SMARCA4: variants seen among roughly 807,000 people sequenced by gnomAD.
The protein encoded by SMARCA4 is SWI/SNF related BAF chromatin remodeling complex subunit ATPase 4, also known as SWI/SNF-related matrix-associated actin-dependent regulator of chromatin subfamily A member 4.
SMARCA4 carries 31 observed loss-of-function variants against 193.9 expected under a neutral mutation model. That is an observed-to-expected ratio of 0.16 (90% CI 0.12 to 0.22). The LOEUF is 0.22. SMARCA4 is among the 10% of genes least tolerant of loss of function. The pLI is 1.00. For missense variants in SMARCA4, 1,148 were observed against 2,296.0 expected (o/e 0.50, Z 10.22); for synonymous variants, 942 against 933.1 (o/e 1.01, Z -0.17).
intron 30 of SMARCA4, among the ~76,000 whole-genome samples, chr19:11,044,884 A>G (rs537114449): frequency 2.8e-4 from 43 of 152,346 alleles, no homozygotes; most frequent in African/African-American, 9.6e-4. Context: ...TCCCAAAACA[A>G]GAATCAGCCC....
At position 11,041,262 on chromosome 19, in the gene SMARCA4, G is replaced by C. The variant is rs947095831; in HGVS notation, c.4171-45G>C. The C allele has an allele frequency of 1.9e-6, 3 of 1,570,600 alleles. No homozygotes were observed. Among genetic ancestry groups the C allele is most frequent in the South Asian group, 1.1e-5 (1 of 88,844 alleles). ...GATTGCGTCGCGGCCTCTGCTTGTC[G>C]ACCTGGGTGCTGGCTGTCCTATTTT... On this transcript the variant is annotated intron_variant, in intron 29 of 34. Transcript: ENST00000344626. The surrounding 1 kb of genome is among the most constrained non-coding windows in gnomAD (Gnocchi z 5.6).
At chr19:10,997,724 C>T (rs982652016) in intron 11 of SMARCA4, among the ~76,000 whole-genome samples, 1 of 152,120 alleles carries the variant, frequency 6.6e-6, no homozygotes, top group Non-Finnish European at 1.5e-5. Flanking sequence ...GCCTCAGCCT[C>T]CCAAAGTGTT....
rs758712183 is a variant in SMARCA4, at chr19:11,058,218, G to A, written c.4425-37G>A. On this transcript the variant is annotated intron_variant, in intron 30 of 34. Coordinates refer to ENST00000344626, the MANE Select transcript of SMARCA4 (RefSeq NM_003072.5). The surrounding 1 kb of genome is among the most constrained non-coding windows in gnomAD (Gnocchi z 5.8). ...GTGGGGTGGGGGCTCCCGGGTGGGC[G>A]GACTCGGGGGTGATAGCCGCCGGTT... is the stretch of plus-strand genomic sequence containing the variant. The A allele has an allele frequency of 7.6e-6, 11 of 1,441,302 alleles. No homozygotes were observed. Among genetic ancestry groups the A allele is most frequent in the South Asian group, 2.3e-5 (2 of 87,900 alleles). The allele number at this position is 1,441,302 out of a possible 1,614,324, so 89.3% of individuals were successfully genotyped here. A position where few individuals can be genotyped will look rare whatever the true frequency, so the allele number is the denominator to read the frequency against.
rs997396446 is a variant in SMARCA4 at position 11,041,166 on chromosome 19, G to T, written c.4171-141G>T. On this transcript the variant is annotated intron_variant, in intron 29 of 34. Coordinates refer to ENST00000344626, the MANE Select transcript of SMARCA4 (RefSeq NM_003072.5). The surrounding 1 kb of genome is among the most constrained non-coding windows in gnomAD (Gnocchi z 5.6). ...CCTTGAGAGTCCCAGTGTGTGTTAT[G>T]CCCCGAGCCAGTCAAGCTGAAGGGA... 30 of 854,742 alleles carry T rather than the reference G, an allele frequency of 3.5e-5. No individual in the cohort carries two copies. Among genetic ancestry groups the T allele is most frequent in the Non-Finnish European group, 5.3e-5 (29 of 543,664 alleles). 52.9% of individuals were successfully genotyped at this position (854,742 alleles called of 1,614,324 possible). A position where few individuals can be genotyped will look rare whatever the true frequency, so the allele number is the denominator to read the frequency against.
intron 15 of SMARCA4, chr19:11,012,449 C>T (rs939472047): frequency 5.4e-6 from 1 of 186,752 alleles, no homozygotes; most frequent in Admixed American, 5.3e-5. Flanking sequence ...TCCTTCATAA[C>T]GTTATCTTCA....
chr19:11,048,438 A>G (rs1157221321), intron 30 of SMARCA4, among the ~76,000 whole-genome samples: 1 of 152,226 alleles, frequency 6.6e-6, no homozygotes, highest in African/African-American at 2.4e-5. Flanking sequence ...AGAACCCTCT[A>G]AGTAGTTCAG....
intron 16 of SMARCA4, 83 bp from the exon 17 acceptor site, chr19:11,018,874 C>T: frequency 4.3e-6 from 5 of 1,174,362 alleles, no homozygotes; most frequent in Non-Finnish European, 6.4e-6. Flanking sequence ...TGGCCTCGCC[C>T]CTGACAGCCA....
Position 10,984,464 on chromosome 19 carries a change from G to A in SMARCA4, c.222+91G>A, listed in dbSNP as rs1328845236. 6 of 1,547,050 alleles carry A rather than the reference G, an allele frequency of 3.9e-6. No homozygotes were observed. The Admixed American group carries it at 9.8e-5, about 25-fold the overall frequency. ...GACCGAGGGCCTTACTTGGAGGATG[G>A]GGGGAAGCCTTCTTGTTGGAGGTGT... On this transcript the variant is annotated intron_variant, in intron 2 of 34. Transcript: ENST00000344626. The surrounding 1 kb of genome is among the most constrained non-coding windows in gnomAD (Gnocchi z 4.3).
At chr19:11,002,970 G>T in intron 11 of SMARCA4, 59 bp from the exon 12 acceptor site, 1 of 1,607,194 alleles carries the variant, frequency 6.2e-7, no homozygotes, top group Non-Finnish European at 8.5e-7. Context: ...CTTGGCCTCT[G>T]TAAGTGTTTG....
chr19:11,017,663 G>C (rs376049127), intron 16 of SMARCA4, among the ~76,000 whole-genome samples: 1 of 152,204 alleles, frequency 6.6e-6, no homozygotes, highest in African/African-American at 2.4e-5. Flanking sequence ...CAGATGCTCC[G>C]CACACCTCCG....
chr19:11,015,704 G>T (rs1251502456), intron 16 of SMARCA4, among the ~76,000 whole-genome samples: 1 of 152,120 alleles, frequency 6.6e-6, no homozygotes, highest in African/African-American at 2.4e-5. Flanking sequence ...CCTGAGACTA[G>T]GTGATAAAGA....
rs568328922 is a variant in SMARCA4, at chr19:11,030,075, C to T, written c.3383-655C>T. Among the ~76,000 whole-genome samples the T allele has an allele frequency of 6.6e-6, 1 of 152,298 alleles. No individual in the cohort carries two copies. Among genetic ancestry groups the T allele is most frequent in the African/African-American group, 2.4e-5 (1 of 41,554 alleles). On this transcript the variant is annotated intron_variant, in intron 24 of 34. Transcript: ENST00000344626. The surrounding 1 kb of genome is among the most constrained non-coding windows in gnomAD (Gnocchi z 5.5). The stretch of plus-strand genomic sequence containing the variant: ...GGAGTGTTGACATTGCCTTAATGCC[C>T]ACAACGCTGAGGGCATCGTGGGTTG...
intron 29 of SMARCA4, among the ~76,000 whole-genome samples, chr19:11,038,489 C>G (rs1249863513): frequency 2.0e-5 from 3 of 152,172 alleles, no homozygotes; most frequent in African/African-American, 7.2e-5. Context: ...ACCCGGTTGC[C>G]TTCCATCCTC....
chr19:10,976,114 C>T (rs1320528665), intron 1 of SMARCA4, among the ~76,000 whole-genome samples: 1 of 152,142 alleles, frequency 6.6e-6, no homozygotes, highest in African/African-American at 2.4e-5. Context: ...GTGTAAGACA[C>T]CTTAGGGACG....
At position 11,039,364 on chromosome 19, in the gene SMARCA4, G is replaced by T. The variant is rs747004219; in HGVS notation, c.4171-1943G>T. On this transcript the variant is annotated intron_variant, in intron 29 of 34. Transcript: ENST00000344626. ...ATGAGACCCTGTCTCTGAAAAAAAG[G>T]GAAATGACCTAAATGCCCAAGAACA... The T allele has an allele frequency of 3.5e-5, 23 of 657,818 alleles. No individual in the cohort carries two copies. The African/African-American group carries it at 4.4e-4, about 13-fold the overall frequency. The allele number at this position is 657,818 out of a possible 1,614,324, so 40.7% of individuals were successfully genotyped here. A position where few individuals can be genotyped will look rare whatever the true frequency, so the allele number is the denominator to read the frequency against.
chr19:11,043,367 A>G (rs1364094196), intron 30 of SMARCA4, among the ~76,000 whole-genome samples: 1 of 152,252 alleles, frequency 6.6e-6, no homozygotes. Context: ...ATTCAAGTTC[A>G]ATGCCAGATC....
At chr19:11,003,924 C>A (rs185056191) in intron 13 of SMARCA4, among the ~76,000 whole-genome samples, 11 of 151,912 alleles carry the variant, frequency 7.2e-5, no homozygotes, top group African/African-American at 2.4e-4. Context: ...ATTGGCCAGG[C>A]TGGTCTCAAA....
Position 11,013,171 on chromosome 19 carries a change from C to G in SMARCA4, c.2438+59C>G, listed in dbSNP as rs2146284303. On this transcript the variant is annotated intron_variant, in intron 16 of 34. Transcript: ENST00000344626. ...CGCTCACACGCTCCTGTGTTTGTTT[C>G]CTAAGTTTGCCGCAGTAGAATACCA... is the stretch of plus-strand genomic sequence containing the variant. 2.5e-6 allele frequency: 4 copies of G among 1,581,052 alleles called. No homozygotes were observed. In the South Asian group the frequency reaches 4.5e-5, roughly 18 times the overall value.
Position 10,972,120 on chromosome 19 carries a change from G to A in SMARCA4, c.-32+10946G>A, listed in dbSNP as rs150480106. On this transcript the variant is annotated intron_variant, in intron 1 of 34. Transcript: ENST00000344626. The stretch of plus-strand genomic sequence containing the variant: ...GATTACGGGCGCCTGCCACCATGCC[G>A]GCTAATTTTTGTATTTTTAGTAGAG... 2.8e-3 allele frequency among the ~76,000 whole-genome samples: 424 copies of A among 151,984 alleles called. 10 individuals carry two copies. Among genetic ancestry groups the A allele is most frequent in the Admixed American group, 0.018 (282 of 15,256 alleles).
Sources: allele counts gnomAD v4.1 joint callset (sites outside exome capture counted in the v4.1 genomes callset), GRCh38; gene constraint gnomAD v4.1.1; non-coding constraint Gnocchi (gnomAD v3.1); transcripts MANE v1.5; gene names NCBI Gene and HGNC (gene_info 2026-07-23, HGNC 2026-07-21).